CD247: variants seen among roughly 807,000 people sequenced by gnomAD.
The protein encoded by CD247 is CD247 molecule.
A neutral mutation model predicts 30.0 loss-of-function variants in CD247; 13 were observed. The ratio of observed to expected loss-of-function variants is 0.43; its 90% CI spans 0.28 to 0.69. CD247 has a LOEUF of 0.69. Among genes scored for constraint, CD247 ranks in the 30% least tolerant of loss-of-function variants. The pLI, the probability that CD247 is intolerant of heterozygous loss-of-function variation, is 0.16. For missense variants in CD247, 193 were observed against 212.6 expected, an observed-to-expected ratio of 0.91 and a Z score of 0.57; for synonymous variants, 72 against 80.0, an observed-to-expected ratio of 0.90 and a Z score of 0.53.
chr1:167,457,600 C>A (rs994589526), intron 1 of CD247: 7 of 152,250 alleles, frequency 4.6e-5, no homozygotes, highest in Non-Finnish European at 7.3e-5. Context: ...GCTCTTGAGT[C>A]TTCCTAAATA....
intron 1 of CD247, among the ~76,000 whole-genome samples, chr1:167,511,639 TA>T (rs1655392140): frequency 6.6e-6 from 1 of 152,198 alleles, no homozygotes; most frequent in African/African-American, 2.4e-5. Flanking sequence ...TTTTTTACTG[TA>T]AAAATTGAGA....
chr1:167,509,425 T>C (rs932926784), intron 1 of CD247, among the ~76,000 whole-genome samples: 2 of 151,952 alleles, frequency 1.3e-5, no homozygotes, highest in African/African-American at 2.4e-5. Flanking sequence ...TCTGGTTATC[T>C]TGATGGGCAA....
At chr1:167,447,454 T>A (rs1158009128) in intron 1 of CD247, among the ~76,000 whole-genome samples, 4 of 151,960 alleles carry the variant, frequency 2.6e-5, no homozygotes, top group Non-Finnish European at 5.9e-5. Context: ...GAGCTCTAAT[T>A]TTCAGAGTTA....
chr1:167,461,375 C>T (rs1332361817), intron 1 of CD247, among the ~76,000 whole-genome samples: 1 of 152,200 alleles, frequency 6.6e-6, no homozygotes, highest in Non-Finnish European at 1.5e-5. Context: ...TAGATTTATA[C>T]TATGTGTAGC....
chr1:167,475,786 G>A (rs550437540), intron 1 of CD247, among the ~76,000 whole-genome samples: 135 of 152,156 alleles, frequency 8.9e-4, no homozygotes, highest in Admixed American at 1.5e-3. Context: ...ACCTAGCTTC[G>A]TACAGTTCAA....
In CD247 at chr1:167,444,881, T is replaced by C. The variant is rs114147089; in HGVS notation, c.59-4114A>G. Among the ~76,000 whole-genome samples, 475 of 152,288 alleles carry C rather than the reference T, an allele frequency of 3.1e-3. 1 individual carries two copies. Among genetic ancestry groups the C allele is most frequent in the African/African-American group, 0.011 (448 of 41,564 alleles). ...CGTTTTCTCATCTGTAAAATGGGGA[T>C]AACAACACTACCTGTCTCATTAGAT... On this transcript the variant is annotated intron_variant, in intron 1 of 7. Transcript: ENST00000362089.
chr1:167,448,965 A>G (rs960750832), intron 1 of CD247, among the ~76,000 whole-genome samples: 1 of 152,208 alleles, frequency 6.6e-6, no homozygotes, highest in African/African-American at 2.4e-5. Flanking sequence ...AAATTGGATC[A>G]TTTGTTCAAA....
At chr1:167,485,638 C>T (rs1654173068) in intron 1 of CD247, among the ~76,000 whole-genome samples, 1 of 152,044 alleles carries the variant, frequency 6.6e-6, no homozygotes, top group African/African-American at 2.4e-5. Context: ...TGCTAGGCTC[C>T]CGTGGGGAGG....
At chr1:167,506,402 C>CAGT (rs1414004487) in intron 1 of CD247, among the ~76,000 whole-genome samples, 1 of 149,908 alleles carries the variant, frequency 6.7e-6, no homozygotes, top group Admixed American at 6.7e-5. Context: ...GGCTAAAGTG[C>CAGT]AGTAGTATTA....
rs1050096911 is a variant in CD247, at chr1:167,494,001, G to A, written c.58+24407C>T. 4.6e-5 allele frequency among the ~76,000 whole-genome samples: 7 copies of A among 152,070 alleles called. No homozygotes were observed. Among genetic ancestry groups the A allele is most frequent in the African/African-American group, 1.7e-4 (7 of 41,410 alleles). On this transcript the variant is annotated intron_variant, in intron 1 of 7. Coordinates refer to ENST00000362089, the MANE Select transcript of CD247 (RefSeq NM_198053.3). This position sits in a 1 kb window ranked among gnomAD's most constrained non-coding sequence, Gnocchi z 7.3. ...TGTTGTGTCTGCAGGTGCAGCCTCC[G>A]GGACCCAGGACTTTCTTCTCAGGGC... is the stretch of plus-strand genomic sequence containing the variant.
At chr1:167,447,386 G>A (rs1428712611) in intron 1 of CD247, among the ~76,000 whole-genome samples, 1 of 151,914 alleles carries the variant, frequency 6.6e-6, no homozygotes, top group Non-Finnish European at 1.5e-5. Context: ...GGCACTTCTG[G>A]CCTCTGCTTG....
At chr1:167,431,795 T>A in intron 7 of CD247, 49 bp from the exon 8 acceptor site, 1 of 1,555,566 alleles carries the variant, frequency 6.4e-7, no homozygotes, top group South Asian at 1.1e-5. Flanking sequence ...GTAGCCTGTG[T>A]GGGCAGGAGC....
intron 1 of CD247, among the ~76,000 whole-genome samples, chr1:167,473,092 T>TACAC (rs35004482): frequency 0.26 from 37,615 of 146,422 alleles, 4,961 homozygotes; most frequent in East Asian, 0.43. Context: ...CTTCAAGTTT[T>TACAC]ACACACACAC....
chr1:167,475,089 A>C (rs1362453372), intron 1 of CD247, among the ~76,000 whole-genome samples: 1 of 152,052 alleles, frequency 6.6e-6, no homozygotes, highest in East Asian at 1.9e-4. Context: ...CATTTATCAC[A>C]ACCCTAAAAC....
chr1:167,471,609 T>C (rs952876187), intron 1 of CD247, among the ~76,000 whole-genome samples: 5 of 152,160 alleles, frequency 3.3e-5, no homozygotes, highest in African/African-American at 1.2e-4. Flanking sequence ...ATATTTTGTT[T>C]ATGTGTTTTA....
chr1:167,455,809 C>T (rs945812320), intron 1 of CD247, among the ~76,000 whole-genome samples: 1 of 152,212 alleles, frequency 6.6e-6, no homozygotes, highest in Non-Finnish European at 1.5e-5. Flanking sequence ...GAGCCCGACA[C>T]CAGGGTCCCC....
At chr1:167,488,390 A>C (rs1331818404) in intron 1 of CD247, among the ~76,000 whole-genome samples, 1 of 152,270 alleles carries the variant, frequency 6.6e-6, no homozygotes, top group Non-Finnish European at 1.5e-5. Flanking sequence ...GATTGGGCTC[A>C]ACTCCAAGTA....
chr1:167,455,904 C>T (rs2102019250), intron 1 of CD247, among the ~76,000 whole-genome samples: 1 of 152,258 alleles, frequency 6.6e-6, no homozygotes, highest in Non-Finnish European at 1.5e-5. Context: ...CTCCGGCTGG[C>T]CCGGCACACG....
intron 1 of CD247, among the ~76,000 whole-genome samples, chr1:167,464,844 G>A (rs1391597787): frequency 6.6e-6 from 1 of 152,068 alleles, no homozygotes; most frequent in African/African-American, 2.4e-5. Flanking sequence ...AAGAATAGAA[G>A]TACAGTTACC....
Sources: gnomAD v4.1 joint callset for allele counts (sites outside exome capture counted in the v4.1 genomes callset) on GRCh38, gnomAD v4.1.1 for gene constraint, Gnocchi (gnomAD v3.1) non-coding constraint, MANE v1.5 for transcripts, NCBI Gene and HGNC (gene_info 2026-07-23, HGNC 2026-07-21) for gene names.